Variants in GALNT18 observed in about 807,000 individuals in gnomAD.
The protein encoded by GALNT18 is polypeptide N-acetylgalactosaminyltransferase 18, also known as GalNAc-transferase 18.
In GALNT18, 44 loss-of-function variants were observed where a neutral mutation model predicts 69.5. The ratio of observed to expected loss-of-function variants is 0.63; its 90% CI spans 0.50 to 0.81. GALNT18 has a LOEUF of 0.81. Among genes scored for constraint, GALNT18 ranks in the 40% least tolerant of loss-of-function variants. The pLI is 0.00. For synonymous variants in GALNT18, 364 were observed against 318.2 expected (o/e 1.14, Z -1.53); for missense variants, 715 against 810.0 (o/e 0.88, Z 1.42).
At chr11:11,316,327 T>C (rs1221334321) in intron 9 of GALNT18, among the ~76,000 whole-genome samples, 1 of 151,988 alleles carries the variant, frequency 6.6e-6, no homozygotes, top group African/African-American at 2.4e-5. Flanking sequence ...CACAGAGAAG[T>C]GGCTAGACAT....
chr11:11,554,496 G>A (rs1858281348), intron 1 of GALNT18, among the ~76,000 whole-genome samples: 1 of 151,978 alleles, frequency 6.6e-6, no homozygotes, highest in African/African-American at 2.4e-5. Context: ...ATGAGGGGGA[G>A]GGATGGGGAG....
chr11:11,560,340 G>C (rs1590100350), intron 1 of GALNT18, among the ~76,000 whole-genome samples: 2 of 131,620 alleles, frequency 1.5e-5, no homozygotes, highest in African/African-American at 2.8e-5. Flanking sequence ...GATGAGATGG[G>C]AGGTGATGGA....
Position 11,500,280 on chromosome 11 carries a change from C to A in GALNT18, c.236-51344G>T, listed in dbSNP as rs774268169. Among the ~76,000 whole-genome samples, 1 of 152,168 alleles carries A rather than the reference C, an allele frequency of 6.6e-6. No individual in the cohort carries two copies. Among genetic ancestry groups the A allele is most frequent in the African/African-American group, 2.4e-5 (1 of 41,440 alleles). On this transcript the variant is annotated intron_variant, in intron 1 of 10. Transcript: ENST00000227756. The surrounding 1 kb of genome is among the most constrained non-coding windows in gnomAD (Gnocchi z 5.0). ...CAAGAACCTGCAGGAGGCTGGCCTC[C>A]CGGGAGTCCCTAATACTGGCGGACA...
intron 3 of GALNT18, among the ~76,000 whole-genome samples, chr11:11,392,309 C>T (rs1402808341): frequency 6.6e-6 from 1 of 152,176 alleles, no homozygotes; most frequent in African/African-American, 2.4e-5. Flanking sequence ...AGCTGATGGG[C>T]CCACTGGTAA....
chr11:11,525,613 T>G (rs866420627), intron 1 of GALNT18, among the ~76,000 whole-genome samples: 2 of 149,828 alleles, frequency 1.3e-5, no homozygotes, highest in Admixed American at 6.7e-5. Context: ...AAGCTGATGA[T>G]CTGGTGTTGT....
chr11:11,536,021 A>T (rs1433120894), intron 1 of GALNT18, among the ~76,000 whole-genome samples: 1 of 152,058 alleles, frequency 6.6e-6, no homozygotes, highest in African/African-American at 2.4e-5. Flanking sequence ...TTCCCATCCA[A>T]ACACGTACAC....
chr11:11,557,691 T>C (rs1015526549), intron 1 of GALNT18, among the ~76,000 whole-genome samples: 2 of 152,096 alleles, frequency 1.3e-5, no homozygotes, highest in Non-Finnish European at 2.9e-5. Flanking sequence ...CCCTACTATA[T>C]GGAAGGGGAA....
intron 10 of GALNT18, among the ~76,000 whole-genome samples, chr11:11,273,942 A>G (rs1253845873): frequency 6.6e-6 from 1 of 152,204 alleles, no homozygotes; most frequent in African/African-American, 2.4e-5. Flanking sequence ...AGAGAGATCC[A>G]TGCAGAAGGC....
At chr11:11,355,762 T>C (rs1004315498) in intron 6 of GALNT18, among the ~76,000 whole-genome samples, 14 of 152,236 alleles carry the variant, frequency 9.2e-5, no homozygotes, top group African/African-American at 3.1e-4. Flanking sequence ...CACCTCCTGA[T>C]GTGCAGCATT....
At chr11:11,308,448 C>T (rs1849615339) in intron 9 of GALNT18, among the ~76,000 whole-genome samples, 1 of 152,136 alleles carries the variant, frequency 6.6e-6, no homozygotes, top group African/African-American at 2.4e-5. Context: ...CTTCCTTGCC[C>T]TCCCTCCTAA....
intron 1 of GALNT18, among the ~76,000 whole-genome samples, chr11:11,486,609 A>C (rs1381139728): frequency 6.6e-6 from 1 of 152,252 alleles, no homozygotes; most frequent in Non-Finnish European, 1.5e-5. Flanking sequence ...CCATACTGAC[A>C]TTTAACACTC....
chr11:11,403,491 G>T (rs1589973088), intron 3 of GALNT18, among the ~76,000 whole-genome samples: 2 of 152,264 alleles, frequency 1.3e-5, no homozygotes, highest in South Asian at 2.1e-4. Context: ...CTTCCCTTCT[G>T]GAAACTGAAT....
rs1042059077 is a variant in GALNT18 at position 11,340,622 on chromosome 11, G to T, written c.1278+197C>A. ...ATCAAGCATGCTGACCAGGGATTAGGGTAGCAGGATAAGAAATGGCTTAGA... is the reference window on the plus strand; with the variant it reads ...ATCAAGCATGCTGACCAGGGATTAGTGTAGCAGGATAAGAAATGGCTTAGA... On this transcript the variant is annotated intron_variant, in intron 7 of 10. Transcript: ENST00000227756. This position sits in a 1 kb window ranked among gnomAD's most constrained non-coding sequence, Gnocchi z 4.2. Among the ~76,000 whole-genome samples the T allele has an allele frequency of 1.3e-5, 2 of 152,118 alleles. No homozygotes were observed. Among genetic ancestry groups the T allele is most frequent in the African/African-American group, 4.8e-5 (2 of 41,414 alleles).
At chr11:11,539,518 G>A (rs568841891) in intron 1 of GALNT18, among the ~76,000 whole-genome samples, 21 of 152,242 alleles carry the variant, frequency 1.4e-4, no homozygotes, top group Middle Eastern at 3.4e-3. Flanking sequence ...CTATAGACAC[G>A]AGCCAAACCC....
intron 8 of GALNT18, among the ~76,000 whole-genome samples, chr11:11,329,086 G>T (rs1247575713): frequency 1.4e-5 from 1 of 70,864 alleles, no homozygotes; most frequent in Non-Finnish European, 3.1e-5. Context: ...CTTGAATAAA[G>T]CAATGTAACT....
chr11:11,585,633 G>A (rs1859197874), intron 1 of GALNT18, among the ~76,000 whole-genome samples: 1 of 152,150 alleles, frequency 6.6e-6, no homozygotes, highest in African/African-American at 2.4e-5. Flanking sequence ...TGGGATTACA[G>A]GCATGAGCCA....
rs922486027 is a variant in GALNT18, at chr11:11,573,164, C to A, written c.235+48195G>T. Among the ~76,000 whole-genome samples the A allele has an allele frequency of 2.6e-5, 4 of 152,202 alleles. No homozygotes were observed. Among genetic ancestry groups the A allele is most frequent in the Admixed American group, 1.3e-4 (2 of 15,290 alleles). On this transcript the variant is annotated intron_variant, in intron 1 of 10. Coordinates refer to ENST00000227756, the MANE Select transcript of GALNT18 (RefSeq NM_198516.3). This position sits in a 1 kb window ranked among gnomAD's most constrained non-coding sequence, Gnocchi z 4.6. ...AAAACCCTGCCTTTCTGAACTACAGCGCCCCTCCAGAGAGCATGTTCATGT... is the reference window on the plus strand; with the variant it reads ...AAAACCCTGCCTTTCTGAACTACAGAGCCCCTCCAGAGAGCATGTTCATGT...
intron 1 of GALNT18, among the ~76,000 whole-genome samples, chr11:11,488,903 A>G (rs1234408510): frequency 6.6e-6 from 1 of 152,214 alleles, no homozygotes; most frequent in Non-Finnish European, 1.5e-5. Context: ...CTTCACAAGG[A>G]AAGCTCTACT....
Position 11,465,088 on chromosome 11 carries a change from C to T in GALNT18, c.236-16152G>A, listed in dbSNP as rs1284832723. On this transcript the variant is annotated intron_variant, in intron 1 of 10. Transcript: ENST00000227756. This position sits in a 1 kb window ranked among gnomAD's most constrained non-coding sequence, Gnocchi z 5.7. The stretch of plus-strand genomic sequence containing the variant: ...AGTAACTTAGAACATAAGGCAACTT[C>T]TCTATCCTCTCTACGAGGACAGAGA... Among the ~76,000 whole-genome samples, 1 of 152,180 alleles carries T rather than the reference C, an allele frequency of 6.6e-6. No homozygotes were observed.
Sources: allele counts gnomAD v4.1 joint callset (sites outside exome capture counted in the v4.1 genomes callset), GRCh38; gene constraint gnomAD v4.1.1; non-coding constraint Gnocchi (gnomAD v3.1); transcripts MANE v1.5; gene names NCBI Gene and HGNC (gene_info 2026-07-23, HGNC 2026-07-21).